The following ZNF341 variants were observed in gnomAD, a reference collection of about 807,000 sequenced individuals.
ZNF341 encodes the protein zinc finger protein 341.
A neutral mutation model predicts 87.7 loss-of-function variants in ZNF341; 52 were observed. That is an observed-to-expected ratio of 0.59 (90% CI 0.47 to 0.75). The LOEUF (loss-of-function observed/expected upper bound fraction) is 0.75. Ranked by LOEUF, ZNF341 falls within the 30% of genes least tolerant of loss-of-function variation. The pLI, the probability that ZNF341 is intolerant of heterozygous loss-of-function variation, is 0.00. For missense variants in ZNF341, 977 were observed against 1,145.9 expected (o/e 0.85, Z 2.13); for synonymous variants, 459 against 472.7 (o/e 0.97, Z 0.38).
At chr20:33,738,014 A>G (rs2018727493) in intron 1 of ZNF341, among the ~76,000 whole-genome samples, 1 of 151,780 alleles carries the variant, frequency 6.6e-6, no homozygotes, top group African/African-American at 2.4e-5. Flanking sequence ...GCGTGTGCCT[A>G]TAATCCCAGC....
At chr20:33,760,435 C>T (rs6059453) in intron 7 of ZNF341, among the ~76,000 whole-genome samples, 1,693 of 152,186 alleles carry the variant, frequency 0.011, 35 homozygotes, top group African/African-American at 0.039. Context: ...CTCAAACTGG[C>T]GCTGTCCAAT....
intron 2 of ZNF341, among the ~76,000 whole-genome samples, chr20:33,743,449 C>G (rs1471689505): frequency 1.3e-5 from 2 of 150,212 alleles, no homozygotes; most frequent in Non-Finnish European, 2.9e-5. Context: ...AAGCAATTCT[C>G]CTGCCTCAGC....
intron 3 of ZNF341, among the ~76,000 whole-genome samples, chr20:33,748,344 A>G (rs2018980774): frequency 6.6e-6 from 1 of 152,212 alleles, no homozygotes; most frequent in African/African-American, 2.4e-5. Flanking sequence ...TGCTGGGATT[A>G]CAGGCGTGAG....
intron 4 of ZNF341, among the ~76,000 whole-genome samples, chr20:33,750,782 A>G (rs2019038948): frequency 6.6e-6 from 1 of 151,982 alleles, no homozygotes; most frequent in African/African-American, 2.4e-5. Flanking sequence ...CTGGTATTAC[A>G]GGCACCCGCC....
At chr20:33,740,370 C>G (rs1359763896) in intron 1 of ZNF341, among the ~76,000 whole-genome samples, 1 of 152,194 alleles carries the variant, frequency 6.6e-6, no homozygotes, top group African/African-American at 2.4e-5. Context: ...TAGTCATTCC[C>G]TAACTGTAAG....
chr20:33,743,963 G>T (rs1454447137), intron 2 of ZNF341, among the ~76,000 whole-genome samples: 1 of 152,186 alleles, frequency 6.6e-6, no homozygotes, highest in African/African-American at 2.4e-5. Flanking sequence ...CCAGAGGAAG[G>T]AACTATAGCC....
intron 1 of ZNF341, among the ~76,000 whole-genome samples, chr20:33,737,288 G>T (rs531353203): frequency 5.3e-5 from 8 of 152,212 alleles, no homozygotes; most frequent in Non-Finnish European, 8.8e-5. Context: ...AAAATTCAGA[G>T]ACTAGGTTTT....
At chr20:33,736,691 T>C (rs1050244599) in intron 1 of ZNF341, among the ~76,000 whole-genome samples, 1 of 152,204 alleles carries the variant, frequency 6.6e-6, no homozygotes, top group Admixed American at 6.5e-5. Context: ...GGTTTCACCA[T>C]GTTGCCCAGG....
chr20:33,786,466 T>C (rs1421692811), intron 12 of ZNF341, among the ~76,000 whole-genome samples: 1 of 152,162 alleles, frequency 6.6e-6, no homozygotes, highest in Non-Finnish European at 1.5e-5. Context: ...TTTGGGATGA[T>C]GAAAAAATTC....
intron 2 of ZNF341, among the ~76,000 whole-genome samples, chr20:33,743,224 G>A (rs929689674): frequency 3.3e-5 from 5 of 151,822 alleles, no homozygotes; most frequent in Middle Eastern, 3.2e-3. Context: ...TAGAGACGGG[G>A]TTTCGCCATG....
chr20:33,739,422 T>G (rs2018757283), intron 1 of ZNF341, among the ~76,000 whole-genome samples: 1 of 152,196 alleles, frequency 6.6e-6, no homozygotes, highest in African/African-American at 2.4e-5. Flanking sequence ...CAGTGTGCCT[T>G]GGTGGCCACT....
rs1287251555 is a variant in ZNF341 at position 33,792,169 on chromosome 20, A to G, written c.*652A>G. The G allele has an allele frequency of 6.6e-6, 1 of 152,310 alleles. No individual in the cohort carries two copies. The highest frequency in any genetic ancestry group is 2.4e-5 in the African/African-American group (1 of 41,440). The allele number at this position is 152,310 out of a possible 1,614,324, so 9.4% of individuals were successfully genotyped here. ...ATGGGGCTTACGATACTACTACCTC[A>G]TAGGGTTGTCCTGGGGATCCAGTAT... is the stretch of plus-strand genomic sequence containing the variant. On this transcript the variant is annotated 3_prime_UTR_variant, in exon 15 of 15. Transcript: ENST00000375200.
In ZNF341 at chr20:33,770,137, A is replaced by G; in HGVS notation, c.1467A>G (p.Thr489=). ...CCCAGACGTTCCCAAAGCTCGACAC[A>G]TTTCTGGAGCACATCAAGAGCCACC... ...SCAQTFPKLD[T]FLEHIKSHQE... The change falls in exon 10 of 15, where the codon ACA becomes ACG. Residue 489 remains threonine, a synonymous_variant. Coordinates refer to ENST00000375200, the MANE Select transcript of ZNF341 (RefSeq NM_001282933.2). 6.2e-7 allele frequency: 1 copy of G among 1,614,084 alleles called. No individual in the cohort carries two copies.
intron 2 of ZNF341, 139 bp downstream of exon 2, chr20:33,741,151 G>A (rs1415225753): frequency 3.6e-5 from 27 of 754,514 alleles, no homozygotes; most frequent in African/African-American, 1.7e-5. Flanking sequence ...CCTCTCCCCC[G>A]CCTCCCAGCC....
chr20:33,732,745 TC>T lies in ZNF341; in HGVS notation c.31+695del, dbSNP rs1231811124. ...CAAACGCTGGGTGCCGACAGACTGT[TC>T]CGTGCTCTGCAAGAACCTGGGATGG... On this transcript the variant is annotated intron_variant, in intron 1 of 14. Transcript: ENST00000375200. The surrounding 1 kb of genome is among the most constrained non-coding windows in gnomAD (Gnocchi z 4.5). Among the ~76,000 whole-genome samples the T allele has an allele frequency of 1.3e-5, 2 of 152,180 alleles. No homozygotes were observed. The highest frequency in any genetic ancestry group is 2.9e-5 in the Non-Finnish European group (2 of 68,018).
intron 12 of ZNF341, chr20:33,787,552 G>A (rs2019893555): frequency 6.6e-6 from 1 of 152,218 alleles, no homozygotes; most frequent in Non-Finnish European, 1.5e-5. Flanking sequence ...AGGGCAGGCT[G>A]TGACCCCACG....
intron 10 of ZNF341, among the ~76,000 whole-genome samples, chr20:33,774,286 A>G (rs990225196): frequency 6.6e-6 from 1 of 152,174 alleles, no homozygotes; most frequent in Non-Finnish European, 1.5e-5. Flanking sequence ...ACAGAGAGAG[A>G]GACTCCGTCT....
chr20:33,757,110 C>T (rs751269294), intron 5 of ZNF341, 38 bp from the exon 6 acceptor site: 3 of 1,373,838 alleles, frequency 2.2e-6, no homozygotes, highest in Non-Finnish European at 2.9e-6. Context: ...TTCCCCTTCC[C>T]TGGCAGGGCT....
chr20:33,783,849 G>A lies in ZNF341; in HGVS notation c.1837G>A (p.Ala613Thr), dbSNP rs755735320. Residue 613 changes from alanine to threonine, a missense_variant, in exon 12 of 15, where the codon GCT (alanine) becomes ACT (threonine). By Grantham distance (58) the Ala-to-Thr change is moderately conservative. Transcript: ENST00000375200. ...FRREHYLKLHAHIHSGEKPYK... is the reference protein window; with the variant it reads ...FRREHYLKLHTHIHSGEKPYK... ...GCGGGAGCATTATCTCAAACTGCAT[G>A]CTCACATCCACTCGGGTAGGTACCC... 6.2e-7 allele frequency: 1 copy of A among 1,613,318 alleles called. No individual in the cohort carries two copies. Among genetic ancestry groups the A allele is most frequent in the South Asian group, 1.1e-5 (1 of 91,054 alleles).
Sources: allele counts gnomAD v4.1 joint callset (sites outside exome capture counted in the v4.1 genomes callset), GRCh38; gene constraint gnomAD v4.1.1; non-coding constraint Gnocchi (gnomAD v3.1); transcripts MANE v1.5; gene names NCBI Gene and HGNC (gene_info 2026-07-23, HGNC 2026-07-21).